The following MTA3 variants were observed in gnomAD, a reference collection of about 807,000 sequenced individuals.
MTA3 encodes the protein metastasis associated 1 family member 3.
Under a neutral mutation model 83.5 loss-of-function variants are expected in MTA3, and 34 were observed. The ratio of observed to expected loss-of-function variants is 0.41; its 90% CI spans 0.31 to 0.54. The LOEUF (loss-of-function observed/expected upper bound fraction) is 0.54, where lower values mean the gene tolerates loss of function less well. Ranked by LOEUF, MTA3 falls within the 20% of genes least tolerant of loss-of-function variation. MTA3 has a pLI of 0.33. For synonymous variants in MTA3, 303 were observed against 252.7 expected, an observed-to-expected ratio of 1.20 and a Z score of -1.89; for missense variants, 761 against 726.4, an observed-to-expected ratio of 1.05 and a Z score of -0.55.
chr2:42,664,828 G>A (rs1035434898), intron 8 of MTA3, among the ~76,000 whole-genome samples: 2 of 152,076 alleles, frequency 1.3e-5, no homozygotes, highest in African/African-American at 4.8e-5. Flanking sequence ...TGGGCTGTCA[G>A]CATTCCTAAT....
intron 14 of MTA3, among the ~76,000 whole-genome samples, chr2:42,716,423 C>T (rs1573738331): frequency 6.6e-6 from 1 of 152,254 alleles, no homozygotes; most frequent in East Asian, 1.9e-4. Context: ...ATTATTTCAT[C>T]ATCCAATTAT....
At chr2:42,541,501 T>G (rs1676515752) in intron 2 of MTA3, among the ~76,000 whole-genome samples, 1 of 152,240 alleles carries the variant, frequency 6.6e-6, no homozygotes. Context: ...TAGTCATCAC[T>G]TTATTATAAA....
At chr2:42,519,376 C>T (rs182680397) in intron 2 of MTA3, among the ~76,000 whole-genome samples, 1 of 152,062 alleles carries the variant, frequency 6.6e-6, no homozygotes, top group Non-Finnish European at 1.5e-5. Context: ...GAGGCTTAGG[C>T]GGGCAGATCA....
intron 15 of MTA3, among the ~76,000 whole-genome samples, chr2:42,722,504 C>G (rs1363593308): frequency 6.6e-6 from 1 of 152,104 alleles, no homozygotes; most frequent in Admixed American, 6.5e-5. Context: ...TGACAGAGCA[C>G]AGAAGTGTTT....
At position 42,635,158 on chromosome 2, in the gene MTA3, T is replaced by C. The variant is rs549601910; in HGVS notation, c.318-5015T>C. On this transcript the variant is annotated intron_variant, in intron 4 of 16. Coordinates refer to ENST00000405094, the MANE Select transcript of MTA3 (RefSeq NM_001330442.2). ...ATCTGTGCTATTCTGTTTTATGCGG[T>C]TGCTGTTGAGAAATCTAGTCTTCTG... is the stretch of plus-strand genomic sequence containing the variant. Among the ~76,000 whole-genome samples, 3 of 152,346 alleles carry C rather than the reference T, an allele frequency of 2.0e-5. No individual in the cohort carries two copies. The South Asian group carries it at 6.2e-4, about 32-fold the overall frequency.
At chr2:42,552,988 A>C (rs1267667329) in intron 2 of MTA3, among the ~76,000 whole-genome samples, 1 of 151,190 alleles carries the variant, frequency 6.6e-6, no homozygotes, top group East Asian at 1.9e-4. Context: ...AGAAAGTTCT[A>C]CTCCGAGGCT....
chr2:42,738,271 A>C (rs1466071285), intron 16 of MTA3, among the ~76,000 whole-genome samples: 1 of 152,166 alleles, frequency 6.6e-6, no homozygotes, highest in African/African-American at 2.4e-5. Context: ...CAGGGACCCC[A>C]AACAGAGAGA....
chr2:42,564,865 C>T (rs910861943), upstream of MTA3, among the ~76,000 whole-genome samples: 4 of 152,120 alleles, frequency 2.6e-5, no homozygotes, highest in Non-Finnish European at 4.4e-5. Context: ...CAATCTCTGC[C>T]TCCTGGGTTC....
chr2:42,676,524 G>C (rs909883253), intron 8 of MTA3, among the ~76,000 whole-genome samples: 1 of 152,180 alleles, frequency 6.6e-6, no homozygotes, highest in Non-Finnish European at 1.5e-5. Flanking sequence ...CCAGCACTTT[G>C]GGAGGCCAAG....
chr2:42,622,284 C>T (rs1685649041), intron 4 of MTA3, among the ~76,000 whole-genome samples: 1 of 152,152 alleles, frequency 6.6e-6, no homozygotes, highest in Non-Finnish European at 1.5e-5. Flanking sequence ...CGCGCGCCTG[C>T]AATCGCAGGC....
chr2:42,529,166 G>C (rs1675848960), intron 2 of MTA3, among the ~76,000 whole-genome samples: 2 of 152,214 alleles, frequency 1.3e-5, no homozygotes, highest in Non-Finnish European at 2.9e-5. Flanking sequence ...AAACAATATG[G>C]CTTGCAAAAT....
chr2:42,633,953 T>C (rs1285285264), intron 4 of MTA3, among the ~76,000 whole-genome samples: 1 of 152,126 alleles, frequency 6.6e-6, no homozygotes, highest in East Asian at 1.9e-4. Flanking sequence ...TACCAAGATA[T>C]AATTAAGAAA....
At chr2:42,688,984 T>G (rs1490235796) in intron 9 of MTA3, among the ~76,000 whole-genome samples, 1 of 152,190 alleles carries the variant, frequency 6.6e-6, no homozygotes, top group Non-Finnish European at 1.5e-5. Context: ...TGTATGTATC[T>G]TTTAATGACG....
intron 2 of MTA3, among the ~76,000 whole-genome samples, chr2:42,507,744 T>C (rs1674699695): frequency 6.6e-6 from 1 of 150,898 alleles, no homozygotes; most frequent in African/African-American, 2.4e-5. Flanking sequence ...GCCTGAGCAA[T>C]ATAGTGAGAC....
chr2:42,716,800 CATGT>C (rs1467135002), intron 14 of MTA3, among the ~76,000 whole-genome samples: 2 of 152,120 alleles, frequency 1.3e-5, no homozygotes, highest in African/African-American at 4.8e-5. Context: ...CATATACATG[CATGT>C]GTCTTTATGA....
chr2:42,724,373 G>C (rs979357074), intron 16 of MTA3, among the ~76,000 whole-genome samples: 1 of 148,086 alleles, frequency 6.8e-6, no homozygotes, highest in African/African-American at 2.5e-5. Context: ...TTGTGGGCCA[G>C]GTCCAGTGGC....
At chr2:42,662,927 C>T (rs1013195683) in intron 8 of MTA3, among the ~76,000 whole-genome samples, 1 of 151,978 alleles carries the variant, frequency 6.6e-6, no homozygotes, top group South Asian at 2.1e-4. Flanking sequence ...AGACGGGTTT[C>T]ACCGTGTTGG....
Position 42,754,460 on chromosome 2 carries a change from T to C in MTA3, c.*1061T>C. 1.0e-6 allele frequency: 1 copy of C among 985,422 alleles called. No individual in the cohort carries two copies. Among genetic ancestry groups the C allele is most frequent in the Non-Finnish European group, 1.2e-6 (1 of 829,990 alleles). 61.0% of individuals were successfully genotyped at this position (985,422 alleles called of 1,614,324 possible). On this transcript the variant is annotated 3_prime_UTR_variant, in exon 17 of 17. Transcript: ENST00000405094. Reference sequence around the variant, plus strand: ...CTGCTCCTTTGGCTTGGGCTCTTCGTGTTTCCCACCTGCCCTCGGCACGAG... The same window carrying C: ...CTGCTCCTTTGGCTTGGGCTCTTCGCGTTTCCCACCTGCCCTCGGCACGAG...
chr2:42,642,580 C>T (rs1687788098), intron 5 of MTA3, among the ~76,000 whole-genome samples: 1 of 150,070 alleles, frequency 6.7e-6, no homozygotes, highest in Non-Finnish European at 1.5e-5. Context: ...GTCTGTAAAG[C>T]AAAACAAAAA....
Sources: gnomAD v4.1 joint callset for allele counts (sites outside exome capture counted in the v4.1 genomes callset) on GRCh38, gnomAD v4.1.1 for gene constraint, MANE v1.5 for transcripts, NCBI Gene and HGNC (gene_info 2026-07-23, HGNC 2026-07-21) for gene names.